Variants in CDH2 observed in about 807,000 individuals in gnomAD.
CDH2 encodes the protein cadherin 2.
CDH2 carries 17 observed loss-of-function variants against 92.0 expected under a neutral mutation model. That is an observed-to-expected ratio of 0.18 (90% CI 0.13 to 0.28). The LOEUF (loss-of-function observed/expected upper bound fraction) is 0.28, where lower values mean the gene tolerates loss of function less well. Among genes scored for constraint, CDH2 ranks in the 10% least tolerant of loss-of-function variants. The pLI, the probability that CDH2 is intolerant of heterozygous loss-of-function variation, is 1.00. For synonymous variants in CDH2, 419 were observed against 415.9 expected, an observed-to-expected ratio of 1.01 and a Z score of -0.09; for missense variants, 862 against 1,133.1, an observed-to-expected ratio of 0.76 and a Z score of 3.44.
intron 14 of CDH2, among the ~76,000 whole-genome samples, chr18:27,969,977 G>T (rs1434365720): frequency 1.3e-5 from 2 of 152,156 alleles, no homozygotes; most frequent in African/African-American, 4.8e-5. Flanking sequence ...TCCAGCCTGG[G>T]CGACAACAGT....
intron 13 of CDH2, among the ~76,000 whole-genome samples, chr18:27,983,395 T>G (rs544605630): frequency 6.8e-4 from 103 of 152,318 alleles, no homozygotes; most frequent in Non-Finnish European, 1.2e-3. Flanking sequence ...ATCTTCCCTT[T>G]GGCTTGCTAG....
At chr18:28,166,616 T>C (rs1598522283) in intron 1 of CDH2, among the ~76,000 whole-genome samples, 1 of 152,096 alleles carries the variant, frequency 6.6e-6, no homozygotes, top group South Asian at 2.1e-4. Context: ...AGCAAAACAA[T>C]GTGTAGAGGC....
intron 15 of CDH2, among the ~76,000 whole-genome samples, chr18:27,956,962 C>T (rs1259298724): frequency 6.6e-6 from 1 of 152,138 alleles, no homozygotes; most frequent in East Asian, 1.9e-4. Flanking sequence ...GTTTACCCAC[C>T]TTTTCTGTTT....
chr18:28,091,195 T>C (rs999457549), intron 2 of CDH2, among the ~76,000 whole-genome samples: 1 of 152,226 alleles, frequency 6.6e-6, no homozygotes, highest in African/African-American at 2.4e-5. Flanking sequence ...TTTGTTTTTT[T>C]CCTACTAGAA....
At chr18:28,121,177 G>C (rs1394863215) in intron 2 of CDH2, among the ~76,000 whole-genome samples, 4 of 152,044 alleles carry the variant, frequency 2.6e-5, no homozygotes, top group Non-Finnish European at 5.9e-5. Context: ...CAGGGGTTTA[G>C]GGTCAATAGA....
At chr18:28,176,896 A>T in intron 1 of CDH2, 67 bp downstream of exon 1, 1 of 923,650 alleles carries the variant, frequency 1.1e-6, no homozygotes. Flanking sequence ...CGGCGCGGGG[A>T]ACAAAGGGAC....
chr18:28,023,554 G>C (rs1402871416), intron 2 of CDH2, among the ~76,000 whole-genome samples: 1 of 151,966 alleles, frequency 6.6e-6, no homozygotes, highest in Non-Finnish European at 1.5e-5. Flanking sequence ...CAAACTCCTG[G>C]GATCAAGTGA....
At position 28,043,890 on chromosome 18, in the gene CDH2, A is replaced by ATTTTTTTTTTT. The variant is rs67532914; in HGVS notation, c.173-29992_173-29982dup. The stretch of plus-strand genomic sequence containing the variant: ...AGTCTCATCTTTCTCAGAATCTCGG[A>ATTTTTTTTTTT]TTTTTTTTTTTTTTTTTTTTTTTTT... On this transcript the variant is annotated intron_variant, in intron 2 of 15. Transcript: ENST00000269141. Among the ~76,000 whole-genome samples, 43 of 91,460 alleles carry ATTTTTTTTTTT rather than the reference A, an allele frequency of 4.7e-4. 5 individuals carry two copies. The highest frequency in any genetic ancestry group is 7.8e-4 in the Non-Finnish European group (36 of 45,996). 60.0% of individuals were successfully genotyped at this position (91,460 alleles called of 152,430 possible).
intron 2 of CDH2, among the ~76,000 whole-genome samples, chr18:28,101,718 A>G (rs930863181): frequency 1.3e-5 from 2 of 152,164 alleles, no homozygotes; most frequent in African/African-American, 4.8e-5. Context: ...TCTGCCATCC[A>G]GGAAACTAAG....
intron 2 of CDH2, among the ~76,000 whole-genome samples, chr18:28,104,602 T>C (rs1234474442): frequency 6.6e-6 from 1 of 151,356 alleles, no homozygotes; most frequent in African/African-American, 2.4e-5. Context: ...ATCATCTTCA[T>C]TCTCATGATT....
At chr18:28,017,409 C>T (rs751925776) in intron 2 of CDH2, among the ~76,000 whole-genome samples, 5 of 151,990 alleles carry the variant, frequency 3.3e-5, no homozygotes, top group South Asian at 2.1e-4. Flanking sequence ...TAAAGGTGTT[C>T]ATAGTAGTCT....
At chr18:28,141,409 T>G (rs1019903812) in intron 2 of CDH2, among the ~76,000 whole-genome samples, 2 of 151,994 alleles carry the variant, frequency 1.3e-5, no homozygotes, top group Non-Finnish European at 2.9e-5. Flanking sequence ...TTTGAAGTGA[T>G]GGAAGCATTT....
intron 1 of CDH2, among the ~76,000 whole-genome samples, chr18:28,170,425 A>G (rs1218855343): frequency 6.6e-6 from 1 of 152,132 alleles, no homozygotes; most frequent in Non-Finnish European, 1.5e-5. Context: ...GGCTCACTGC[A>G]ACCTCCGCCT....
chr18:28,098,991 A>C (rs1471230130), intron 2 of CDH2, among the ~76,000 whole-genome samples: 1 of 152,172 alleles, frequency 6.6e-6, no homozygotes, highest in Non-Finnish European at 1.5e-5. Context: ...GATGGATTTA[A>C]GTAATCTATA....
At chr18:28,062,682 A>T (rs1423708660) in intron 2 of CDH2, among the ~76,000 whole-genome samples, 2 of 152,152 alleles carry the variant, frequency 1.3e-5, no homozygotes, top group Non-Finnish European at 2.9e-5. Flanking sequence ...GTTGAGAAAT[A>T]CACCGTCCAG....
intron 2 of CDH2, among the ~76,000 whole-genome samples, chr18:28,146,864 T>G (rs918776074): frequency 1.3e-5 from 2 of 152,134 alleles, no homozygotes; most frequent in African/African-American, 4.8e-5. Context: ...AAACACAACT[T>G]ACTAATCAAT....
chr18:28,106,733 G>A (rs973279725), intron 2 of CDH2, among the ~76,000 whole-genome samples: 1 of 151,986 alleles, frequency 6.6e-6, no homozygotes, highest in African/African-American at 2.4e-5. Flanking sequence ...ATACGTATGA[G>A]CATTTAAAAG....
intron 5 of CDH2, among the ~76,000 whole-genome samples, chr18:28,008,956 A>G (rs1306822454): frequency 2.0e-5 from 3 of 152,090 alleles, no homozygotes; most frequent in Non-Finnish European, 4.4e-5. Context: ...AAGGAAAAAC[A>G]AAGTGGGTCT....
intron 15 of CDH2, among the ~76,000 whole-genome samples, chr18:27,958,333 A>ATAAG (rs2011304586): frequency 1.3e-5 from 2 of 152,072 alleles, no homozygotes; most frequent in South Asian, 2.1e-4. Context: ...AGAAGCTTCC[A>ATAAG]TAAGTTTTAA....
Sources: gnomAD v4.1 joint callset for allele counts (sites outside exome capture counted in the v4.1 genomes callset) on GRCh38, gnomAD v4.1.1 for gene constraint, MANE v1.5 for transcripts, NCBI Gene and HGNC (gene_info 2026-07-23, HGNC 2026-07-21) for gene names.